GNB5: variants seen among roughly 807,000 people sequenced by gnomAD.
GNB5 encodes the protein guanine nucleotide-binding protein subunit beta-5.
A neutral mutation model predicts 55.3 loss-of-function variants in GNB5; 37 were observed. The ratio of observed to expected loss-of-function variants is 0.67; its 90% confidence interval spans 0.51 to 0.88. The LOEUF is 0.88. GNB5 is among the 40% of genes least tolerant of loss of function. GNB5 has a pLI of 0.00. For synonymous variants in GNB5, 219 were observed against 198.5 expected, an observed-to-expected ratio of 1.10 and a Z score of -0.87; for missense variants, 476 against 515.3, an observed-to-expected ratio of 0.92 and a Z score of 0.74.
chr15:52,163,797 G>C (rs952483942), intron 3 of GNB5, among the ~76,000 whole-genome samples: 2 of 152,226 alleles, frequency 1.3e-5, no homozygotes, highest in African/African-American at 4.8e-5. Flanking sequence ...CCCAACAGGG[G>C]TCTACAAATG....
intron 8 of GNB5, among the ~76,000 whole-genome samples, chr15:52,134,823 C>G (rs1467703599): frequency 6.6e-6 from 1 of 152,112 alleles, no homozygotes; most frequent in Non-Finnish European, 1.5e-5. Context: ...ATGGTAAGGT[C>G]AGCTGGCCCA....
At chr15:52,134,391 A>G (rs1267925823) in intron 8 of GNB5, among the ~76,000 whole-genome samples, 1 of 152,204 alleles carries the variant, frequency 6.6e-6, no homozygotes, top group Non-Finnish European at 1.5e-5. Flanking sequence ...ACATCTGAGG[A>G]AGGCCCGCTG....
chr15:52,163,533 G>C (rs1472051228), intron 3 of GNB5, among the ~76,000 whole-genome samples: 3 of 152,208 alleles, frequency 2.0e-5, no homozygotes, highest in Admixed American at 2.0e-4. Context: ...AGCTCAAGTA[G>C]GCCATCCTGG....
chr15:52,132,169 T>TACCA (rs72036900), intron 9 of GNB5, among the ~76,000 whole-genome samples: 1 of 151,406 alleles, frequency 6.6e-6, no homozygotes, highest in African/African-American at 2.4e-5. Flanking sequence ...GGCTCAAGTA[T>TACCA]GCACAAACAG....
intron 5 of GNB5, chr15:52,149,543 G>A: frequency 1.8e-6 from 1 of 569,756 alleles, no homozygotes; most frequent in Non-Finnish European, 3.1e-6. Flanking sequence ...GAGAGAGAAT[G>A]GAGAATTTTG....
intron 4 of GNB5, 116 bp from the exon 5 acceptor site, chr15:52,150,041 G>A (rs2034058567): frequency 3.9e-6 from 3 of 770,688 alleles, no homozygotes; most frequent in Non-Finnish European, 6.8e-6. Context: ...GCCAGAATGA[G>A]GATCTGGATA....
intron 9 of GNB5, among the ~76,000 whole-genome samples, chr15:52,131,014 C>G (rs140346893): frequency 1.2e-4 from 19 of 152,158 alleles, no homozygotes; most frequent in Admixed American, 7.2e-4. Flanking sequence ...TTGGTAGAGA[C>G]GGGGTTTCAC....
At chr15:52,167,916 G>A (rs186780417) in intron 3 of GNB5, among the ~76,000 whole-genome samples, 29 of 152,112 alleles carry the variant, frequency 1.9e-4, no homozygotes, top group African/African-American at 6.7e-4. Flanking sequence ...TGATTACCTC[G>A]ATAAGACAGA....
At chr15:52,179,940 G>T (rs1392087022) in intron 2 of GNB5, 61 bp from the exon 3 acceptor site, 50 of 1,437,922 alleles carry the variant, frequency 3.5e-5, no homozygotes, top group Non-Finnish European at 3.9e-5. Context: ...AGCCGCGGCG[G>T]GCGCCGCTCC....
chr15:52,160,643 A>G (rs2034313749), intron 3 of GNB5, among the ~76,000 whole-genome samples: 2 of 152,236 alleles, frequency 1.3e-5, no homozygotes, highest in East Asian at 3.8e-4. Flanking sequence ...ATGGTCACTT[A>G]CAATTCTGCT....
rs756416883 is a variant in GNB5 at position 52,179,914 on chromosome 15, G to A, written c.127-35C>T. 5.4e-6 allele frequency: 8 copies of A among 1,488,288 alleles called. No individual in the cohort carries two copies. The Admixed American group carries it at 1.3e-4, about 25-fold the overall frequency. 92.2% of individuals were successfully genotyped at this position (1,488,288 alleles called of 1,614,324 possible). A position where few individuals can be genotyped will look rare whatever the true frequency, so the allele number is the denominator to read the frequency against. ...GGGACGCAGCGGAGAGGGAAGCGGA[G>A]AGCGGGAATGCGCTGAGCCGCGGCG... On this transcript the variant is annotated intron_variant, in intron 2 of 12. Coordinates refer to ENST00000261837, the MANE Select transcript of GNB5 (RefSeq NM_016194.4).
rs911317823 is a variant in GNB5 at position 52,184,809 on chromosome 15, G to C, written c.-18-115C>G. The C allele has an allele frequency of 7.0e-6, 5 of 714,808 alleles. No individual in the cohort carries two copies. In the South Asian group the frequency reaches 7.4e-5, roughly 11 times the overall value. The allele number at this position is 714,808 out of a possible 1,614,324, so 44.3% of individuals were successfully genotyped here. On this transcript the variant is annotated intron_variant, in intron 1 of 12. Transcript: ENST00000261837. ...TATTCAGACGTCTACATGTGGGATA[G>C]AGTATATGCAGTTAATTTATAACCT...
intron 12 of GNB5, 111 bp from the exon 13 acceptor site, chr15:52,122,879 T>C (rs942069854): frequency 2.9e-5 from 23 of 786,714 alleles, no homozygotes; most frequent in Non-Finnish European, 5.1e-5. Context: ...GGCATACATA[T>C]ATGTGTGTGT....
At chr15:52,184,529 AT>A in intron 2 of GNB5, 21 bp downstream of exon 2, 18 of 1,607,734 alleles carry the variant, frequency 1.1e-5, no homozygotes, top group Non-Finnish European at 1.4e-5. Flanking sequence ...AGATAACTGA[AT>A]TTTTTTTAAG....
At chr15:52,181,577 C>T (rs905819012) in intron 2 of GNB5, among the ~76,000 whole-genome samples, 6 of 152,014 alleles carry the variant, frequency 3.9e-5, no homozygotes, top group Non-Finnish European at 7.4e-5. Flanking sequence ...GATCGTGCCA[C>T]TGCACTCCAG....
chr15:52,163,759 T>C (rs2034391997), intron 3 of GNB5, among the ~76,000 whole-genome samples: 7 of 152,176 alleles, frequency 4.6e-5, no homozygotes, highest in Admixed American at 4.6e-4. Flanking sequence ...GGGTCCCTGA[T>C]CCCATTCCTC....
At chr15:52,128,557 G>A (rs2033486555) in intron 9 of GNB5, 1 of 581,148 alleles carries the variant, frequency 1.7e-6, no homozygotes, top group Admixed American at 2.2e-5. Flanking sequence ...TTGGCCCAGA[G>A]CTCAGGGATA....
At chr15:52,139,983 A>G (rs1041174139) in intron 7 of GNB5, 177 of 1,256,898 alleles carry the variant, frequency 1.4e-4, no homozygotes, top group Non-Finnish European at 1.7e-4. Context: ...GCCCAAAGAC[A>G]TCTCATTTTG....
rs2033239316 is a variant in GNB5, at chr15:52,120,532, A to T, written c.*2225T>A. 1 of 152,160 alleles carries T rather than the reference A, an allele frequency of 6.6e-6. No homozygotes were observed. Among genetic ancestry groups the T allele is most frequent in the South Asian group, 2.1e-4 (1 of 4,824 alleles). The allele number at this position is 152,160 out of a possible 1,614,324, so 9.4% of individuals were successfully genotyped here. A position where few individuals can be genotyped will look rare whatever the true frequency, so the allele number is the denominator to read the frequency against. On this transcript the variant is annotated 3_prime_UTR_variant, in exon 13 of 13. Transcript: ENST00000261837. ...GAAGATGCTCTCCACCTCTCCAAAC[A>T]TGGAACCTGGAATGTGCTTCCCTGG...
Sources: gnomAD v4.1 joint callset for allele counts (sites outside exome capture counted in the v4.1 genomes callset) on GRCh38, gnomAD v4.1.1 for gene constraint, MANE v1.5 for transcripts, NCBI Gene and HGNC (gene_info 2026-07-23, HGNC 2026-07-21) for gene names.